Variants in UTRN observed in about 807,000 individuals in gnomAD.
The protein encoded by UTRN is dystrophin-related protein 1.
In UTRN, 283 loss-of-function variants were observed where a neutral mutation model predicts 463.9. The observed-to-expected ratio is 0.61, with a 90% CI of 0.55 to 0.67. The LOEUF is 0.67. UTRN is among the 30% of genes least tolerant of loss of function. The probability of loss-of-function intolerance (pLI) is 0.00; values close to 1 mark genes in which losing one functional copy is unlikely to be tolerated. For synonymous variants in UTRN, 1,442 were observed against 1,431.5 expected, an observed-to-expected ratio of 1.01 and a Z score of -0.17; for missense variants, 3,922 against 4,084.3, an observed-to-expected ratio of 0.96 and a Z score of 1.08.
At chr6:144,822,122 A>C (rs1335733043) in intron 66 of UTRN, among the ~76,000 whole-genome samples, 1 of 152,120 alleles carries the variant, frequency 6.6e-6, no homozygotes, top group Non-Finnish European at 1.5e-5. Flanking sequence ...AGGAAGTAGT[A>C]ATATTTTAGT....
At chr6:144,830,704 A>ATTTGTTT (rs140423388) in intron 69 of UTRN, among the ~76,000 whole-genome samples, 28,795 of 148,222 alleles carry the variant, frequency 0.19, 3,412 homozygotes, top group East Asian at 0.58. Context: ...TTTGTCTGTG[A>ATTTGTTT]TTTGTTTTTT....
chr6:144,553,718 C>G (rs1585243200), intron 48 of UTRN, among the ~76,000 whole-genome samples: 1 of 152,016 alleles, frequency 6.6e-6, no homozygotes, highest in Admixed American at 6.5e-5. Context: ...AGTTCGAGAC[C>G]TGGCCAACAT....
intron 3 of UTRN, among the ~76,000 whole-genome samples, chr6:144,419,236 G>T (rs1562370261): frequency 6.6e-6 from 1 of 152,208 alleles, no homozygotes; most frequent in Non-Finnish European, 1.5e-5. Context: ...CTGAAGTTCT[G>T]CCTCTGGAAA....
intron 65 of UTRN, among the ~76,000 whole-genome samples, chr6:144,816,266 A>T (rs1489718961): frequency 1.3e-5 from 2 of 152,220 alleles, no homozygotes; most frequent in Admixed American, 6.5e-5. Context: ...GATTTAAAAT[A>T]TGTCAGATTT....
At chr6:144,488,256 A>G (rs971018616) in intron 29 of UTRN, among the ~76,000 whole-genome samples, 1 of 152,194 alleles carries the variant, frequency 6.6e-6, no homozygotes, top group Non-Finnish European at 1.5e-5. Context: ...GTACACCTAT[A>G]GAATTTGTTT....
chr6:144,846,263 C>T (rs1344020706), intron 73 of UTRN, among the ~76,000 whole-genome samples: 1 of 152,170 alleles, frequency 6.6e-6, no homozygotes, highest in Non-Finnish European at 1.5e-5. Flanking sequence ...CTGGGCCCAT[C>T]CAAGGGACTA....
At chr6:144,718,032 CT>C (rs1786701199) in intron 53 of UTRN, among the ~76,000 whole-genome samples, 1 of 152,146 alleles carries the variant, frequency 6.6e-6, no homozygotes, top group Non-Finnish European at 1.5e-5. Context: ...AAACGGAGGG[CT>C]TTGTTCTGGC....
intron 51 of UTRN, among the ~76,000 whole-genome samples, chr6:144,618,619 C>A (rs547268640): frequency 2.0e-5 from 3 of 152,164 alleles, no homozygotes; most frequent in African/African-American, 7.2e-5. Flanking sequence ...AAATGAGCCC[C>A]ATTTTAATTT....
At chr6:144,346,188 A>T (rs1777552892) in intron 2 of UTRN, among the ~76,000 whole-genome samples, 1 of 134,150 alleles carries the variant, frequency 7.5e-6, no homozygotes, top group Non-Finnish European at 1.5e-5. Context: ...AAAAAAAAAA[A>T]AAATAAAATA....
At chr6:144,817,855 CTG>C in intron 65 of UTRN, among the ~76,000 whole-genome samples, 1 of 152,208 alleles carries the variant, frequency 6.6e-6, no homozygotes, top group Middle Eastern at 3.4e-3. Flanking sequence ...TAAGCTATTT[CTG>C]TGTGTGTACT....
intron 25 of UTRN, among the ~76,000 whole-genome samples, chr6:144,479,171 T>A (rs1240987213): frequency 6.8e-6 from 1 of 146,022 alleles, no homozygotes; most frequent in Non-Finnish European, 1.5e-5. Flanking sequence ...TGGGTTAGAG[T>A]GCAGTGGTGC....
intron 8 of UTRN, 47 bp from the exon 9 acceptor site, chr6:144,429,534 T>C (rs984426538): frequency 1.9e-6 from 3 of 1,544,234 alleles, no homozygotes; most frequent in Admixed American, 2.0e-5. Context: ...AATTCACATA[T>C]TTTGGACACC....
intron 3 of UTRN, among the ~76,000 whole-genome samples, chr6:144,414,755 G>A (rs554255034): frequency 7.1e-6 from 1 of 140,286 alleles, no homozygotes; most frequent in East Asian, 2.1e-4. Flanking sequence ...TCTCTCTGTT[G>A]CCCAGGCTGG....
intron 2 of UTRN, among the ~76,000 whole-genome samples, chr6:144,300,837 A>G (rs767581809): frequency 2.6e-5 from 4 of 152,268 alleles, no homozygotes; most frequent in Non-Finnish European, 5.9e-5. Context: ...GAAACTGCAA[A>G]ATAAAAGTAA....
At chr6:144,795,200 C>A (rs1777101624) in intron 63 of UTRN, among the ~76,000 whole-genome samples, 1 of 152,182 alleles carries the variant, frequency 6.6e-6, no homozygotes, top group East Asian at 1.9e-4. Context: ...GGGACATGGA[C>A]TCATCCTTTT....
Position 144,531,730 on chromosome 6 carries a change from G to A in UTRN, c.6057+528G>A, listed in dbSNP as rs559959514. On this transcript the variant is annotated intron_variant, in intron 42 of 74. Transcript: ENST00000367545. ...TTAAAAATAATGGTAGAAAGCACACGCAATTTCAATTCTACCATTGATAAA... is the reference window on the plus strand; with the variant it reads ...TTAAAAATAATGGTAGAAAGCACACACAATTTCAATTCTACCATTGATAAA... 1.0e-3 allele frequency among the ~76,000 whole-genome samples: 158 copies of A among 152,222 alleles called. 1 individual carries two copies. The highest frequency in any genetic ancestry group is 6.8e-3 in the Middle Eastern group (2 of 294).
chr6:144,307,972 C>T (rs1805899779), intron 2 of UTRN, among the ~76,000 whole-genome samples: 1 of 152,048 alleles, frequency 6.6e-6, no homozygotes, highest in South Asian at 2.1e-4. Context: ...TCTTTTCTCC[C>T]AGCCCTCTCC....
intron 51 of UTRN, among the ~76,000 whole-genome samples, chr6:144,604,073 G>A (rs985705796): frequency 5.9e-5 from 9 of 152,066 alleles, no homozygotes; most frequent in South Asian, 2.1e-4. Flanking sequence ...ATTAGATACT[G>A]TTTTACATTT....
At chr6:144,659,831 G>A (rs891939434) in intron 51 of UTRN, 1 of 151,688 alleles carries the variant, frequency 6.6e-6, no homozygotes, top group African/African-American at 2.5e-5. Context: ...TTTGCTGTAT[G>A]TAATTGAGAC....
Sources: allele counts gnomAD v4.1 joint callset (sites outside exome capture counted in the v4.1 genomes callset), GRCh38; gene constraint gnomAD v4.1.1; transcripts MANE v1.5; gene names NCBI Gene and HGNC (gene_info 2026-07-23, HGNC 2026-07-21).